FNDC3B: variants seen among roughly 807,000 people sequenced by gnomAD.
The protein encoded by FNDC3B is fibronectin type III domain containing 3B.
FNDC3B carries 12 observed loss-of-function variants against 151.5 expected under a neutral mutation model. The observed-to-expected ratio is 0.08, with a 90% CI of 0.05 to 0.13. FNDC3B has a LOEUF of 0.13. Ranked by LOEUF, FNDC3B falls within the 10% of genes least tolerant of loss-of-function variation. The probability of loss-of-function intolerance (pLI) is 1.00; values close to 1 mark genes in which losing one functional copy is unlikely to be tolerated. For synonymous variants in FNDC3B, 528 were observed against 549.0 expected (o/e 0.96, Z 0.54); for missense variants, 1,214 against 1,505.3 (o/e 0.81, Z 3.20).
chr3:172,288,504 T>C (rs1269414751), intron 7 of FNDC3B, among the ~76,000 whole-genome samples: 4 of 152,228 alleles, frequency 2.6e-5, no homozygotes, highest in African/African-American at 9.6e-5. Context: ...GGCACAGACG[T>C]AGTCAGTATA....
chr3:172,145,107 A>G (rs1721835873), intron 3 of FNDC3B, among the ~76,000 whole-genome samples: 1 of 151,610 alleles, frequency 6.6e-6, no homozygotes, highest in Non-Finnish European at 1.5e-5. Context: ...TAAATATAAT[A>G]CCTTTTTGGA....
intron 3 of FNDC3B, among the ~76,000 whole-genome samples, chr3:172,136,811 C>A (rs1290667189): frequency 6.6e-6 from 1 of 152,130 alleles, no homozygotes; most frequent in Non-Finnish European, 1.5e-5. Context: ...CCACCGCCTC[C>A]CGGGTTCAAG....
intron 23 of FNDC3B, among the ~76,000 whole-genome samples, chr3:172,368,401 A>T (rs1237031287): frequency 2.0e-5 from 3 of 152,218 alleles, no homozygotes; most frequent in African/African-American, 7.2e-5. Context: ...TAAATGAAAC[A>T]GATGTGAGGC....
intron 7 of FNDC3B, among the ~76,000 whole-genome samples, chr3:172,286,879 C>A (rs1730047524): frequency 6.6e-6 from 1 of 152,084 alleles, no homozygotes; most frequent in Non-Finnish European, 1.5e-5. Context: ...AAGATAGATG[C>A]AGGGAAGAGC....
At chr3:172,090,143 C>A (rs975741543) in intron 1 of FNDC3B, among the ~76,000 whole-genome samples, 4 of 152,166 alleles carry the variant, frequency 2.6e-5, no homozygotes, top group South Asian at 4.1e-4. Context: ...GAGACTTTGT[C>A]TTTTTCTCTA....
chr3:172,047,754 C>T (rs1437730402), intron 1 of FNDC3B, among the ~76,000 whole-genome samples: 1 of 152,126 alleles, frequency 6.6e-6, no homozygotes. Context: ...TATCTGCCTC[C>T]CCCACCCCAC....
At chr3:172,235,746 T>C (rs544175116) in intron 4 of FNDC3B, among the ~76,000 whole-genome samples, 77 of 152,218 alleles carry the variant, frequency 5.1e-4, no homozygotes, top group Non-Finnish European at 9.0e-4. Flanking sequence ...CTCACAGGTG[T>C]GAAAGTCTTG....
Position 172,288,170 on chromosome 3 carries a change from A to G in FNDC3B, c.849+2186A>G, listed in dbSNP as rs531596308. Among the ~76,000 whole-genome samples, 5 of 152,374 alleles carry G rather than the reference A, an allele frequency of 3.3e-5. No homozygotes were observed. In the South Asian group the frequency reaches 6.2e-4, roughly 19 times the overall value. On this transcript the variant is annotated intron_variant, in intron 7 of 25. Transcript: ENST00000415807. ...GTATGTGAGGCAGGTTGACAGTGCT[A>G]TCTAATCTACCAGATACTTCTGTTT... is the stretch of plus-strand genomic sequence containing the variant.
chr3:172,231,864 T>C (rs1726908142), intron 4 of FNDC3B, among the ~76,000 whole-genome samples: 1 of 149,478 alleles, frequency 6.7e-6, no homozygotes. Flanking sequence ...GTGCATTGTA[T>C]GGTCTTTATT....
intron 4 of FNDC3B, among the ~76,000 whole-genome samples, chr3:172,244,069 G>A (rs1026220730): frequency 1.3e-5 from 2 of 152,152 alleles, no homozygotes. Flanking sequence ...CACTTACTAG[G>A]ACTTAGTCTA....
intron 3 of FNDC3B, among the ~76,000 whole-genome samples, chr3:172,170,088 A>T (rs1723213573): frequency 6.6e-6 from 1 of 152,160 alleles, no homozygotes; most frequent in South Asian, 2.1e-4. Flanking sequence ...TATGTTATTT[A>T]AAAGGTATAT....
intron 3 of FNDC3B, among the ~76,000 whole-genome samples, chr3:172,133,883 A>C (rs945919182): frequency 4.6e-5 from 7 of 152,178 alleles, no homozygotes; most frequent in Non-Finnish European, 7.3e-5. Flanking sequence ...GGGCCTCTCC[A>C]TGGAGAAGTG....
intron 1 of FNDC3B, among the ~76,000 whole-genome samples, chr3:172,052,925 A>G (rs1193424632): frequency 6.6e-6 from 1 of 152,224 alleles, no homozygotes; most frequent in Admixed American, 6.5e-5. Flanking sequence ...ATAGCCAGCT[A>G]TTGGCAGTTT....
rs1736473471 is a variant in FNDC3B, at chr3:172,399,631, C to T, written c.*2156C>T. 1 of 151,486 alleles carries T rather than the reference C, an allele frequency of 6.6e-6. No individual in the cohort carries two copies. Among genetic ancestry groups the T allele is most frequent in the Admixed American group, 6.7e-5 (1 of 15,028 alleles). 9.4% of individuals were successfully genotyped at this position (151,486 alleles called of 1,614,324 possible). ...AAAGTTCTGGCCTTCCAAAACTCAC[C>T]CCCTTATTTAAATGTGTGCTATGAC... On this transcript the variant is annotated 3_prime_UTR_variant, in exon 26 of 26. Coordinates refer to ENST00000415807, the MANE Select transcript of FNDC3B (RefSeq NM_022763.4).
chr3:172,222,528 G>T (rs1219623355), intron 3 of FNDC3B, among the ~76,000 whole-genome samples: 1 of 152,192 alleles, frequency 6.6e-6, no homozygotes, highest in Non-Finnish European at 1.5e-5. Flanking sequence ...GACCGTTTTT[G>T]TGGAAGACAA....
chr3:172,247,175 C>T (rs528660447), intron 4 of FNDC3B, among the ~76,000 whole-genome samples: 91 of 152,274 alleles, frequency 6.0e-4, no homozygotes, highest in Non-Finnish European at 1.2e-3. Context: ...TAGTTAAATT[C>T]AAAAGTCACT....
At chr3:172,181,405 A>AAAC (rs1553769923) in intron 3 of FNDC3B, among the ~76,000 whole-genome samples, 1 of 146,092 alleles carries the variant, frequency 6.8e-6, no homozygotes, top group Admixed American at 7.1e-5. Context: ...CAAAAAAAAA[A>AAAC]AAAAAAAAAC....
chr3:172,134,828 C>G (rs1479680793), intron 3 of FNDC3B, among the ~76,000 whole-genome samples: 1 of 151,880 alleles, frequency 6.6e-6, no homozygotes, highest in Non-Finnish European at 1.5e-5. Flanking sequence ...AAATCAAAAC[C>G]TAGTCTTAGT....
At chr3:172,070,169 T>A (rs186115064) in intron 1 of FNDC3B, among the ~76,000 whole-genome samples, 1 of 152,322 alleles carries the variant, frequency 6.6e-6, no homozygotes, top group East Asian at 1.9e-4. Context: ...TTTGAAATGA[T>A]ATGAACGTGA....
Sources: allele counts gnomAD v4.1 joint callset (sites outside exome capture counted in the v4.1 genomes callset), GRCh38; gene constraint gnomAD v4.1.1; transcripts MANE v1.5; gene names NCBI Gene and HGNC (gene_info 2026-07-23, HGNC 2026-07-21).